Variants in CHL1 observed in about 807,000 individuals in gnomAD.
CHL1 encodes neural cell adhesion molecule L1-like protein.
In CHL1, 96 loss-of-function variants were observed where a neutral mutation model predicts 141.9. That is an observed-to-expected ratio of 0.68 (90% CI 0.57 to 0.80). The LOEUF (loss-of-function observed/expected upper bound fraction) is 0.80. CHL1 is among the 30% of genes least tolerant of loss of function. The probability of loss-of-function intolerance (pLI) is 0.00; values close to 1 mark genes in which losing one functional copy is unlikely to be tolerated. For missense variants in CHL1, 1,820 were observed against 1,457.2 expected, an observed-to-expected ratio of 1.25 and a Z score of -4.05; for synonymous variants, 613 against 502.2, an observed-to-expected ratio of 1.22 and a Z score of -2.95.
chr3:213,762 A>G (rs1700080061), intron 1 of CHL1: 1 of 152,244 alleles, frequency 6.6e-6, no homozygotes, highest in South Asian at 2.1e-4. Context: ...TGCATTGCAA[A>G]GAAGACATTC....
chr3:314,329 G>GTATATATATATATATA lies in CHL1; in HGVS notation c.-94-5328_-94-5313dup, dbSNP rs56292297. ...TCTCTTTCTCTCTCTCTCTCTATGT[G>GTATATATATATATATA]TATATATATATATATATATATATAT... On this transcript the variant is annotated intron_variant, in intron 2 of 27. Transcript: ENST00000256509. Among the ~76,000 whole-genome samples the GTATATATATATATATA allele has an allele frequency of 3.2e-3, 209 of 65,242 alleles. 5 individuals are homozygous for GTATATATATATATATA. Among genetic ancestry groups the GTATATATATATATATA allele is most frequent in the South Asian group, 5.7e-3 (7 of 1,230 alleles). The allele number at this position is 65,242 out of a possible 152,430, so 42.8% of individuals were successfully genotyped here.
At chr3:284,689 T>A (rs541709491) in intron 2 of CHL1, among the ~76,000 whole-genome samples, 1 of 152,262 alleles carries the variant, frequency 6.6e-6, no homozygotes, top group South Asian at 2.1e-4. Context: ...GCTGGGGAGA[T>A]GGTGGTGACC....
rs201043995 is a variant in CHL1, at chr3:340,956, T to C, written c.508+40T>C. 33 of 1,574,870 alleles carry C rather than the reference T, an allele frequency of 2.1e-5. No homozygotes were observed. In the Admixed American group the frequency reaches 5.9e-4, roughly 28 times the overall value. On this transcript the variant is annotated intron_variant, in intron 6 of 27. Transcript: ENST00000256509. ...GTTCCATCAAAAAAGGGGGACATTT[T>C]AATTCTATCCATCATATCAATAACA...
intron 1 of CHL1, among the ~76,000 whole-genome samples, chr3:225,144 C>A (rs886267458): frequency 1.3e-5 from 2 of 152,074 alleles, no homozygotes; most frequent in Non-Finnish European, 2.9e-5. Context: ...AAAAAGAACT[C>A]AAAAAGATTG....
At position 305,986 on chromosome 3, in the gene CHL1, A is replaced by G. The variant is rs558262941; in HGVS notation, c.-94-13697A>G. Among the ~76,000 whole-genome samples, 6 of 152,334 alleles carry G rather than the reference A, an allele frequency of 3.9e-5. No homozygotes were observed. In the East Asian group the frequency reaches 1.2e-3, roughly 29 times the overall value. ...ACATGTGTATTTAAGTAAACTGCAC[A>G]TTATATCCAGAAAATTGAATCTAAC... On this transcript the variant is annotated intron_variant, in intron 2 of 27. Transcript: ENST00000256509.
chr3:384,197 A>C lies in CHL1; in HGVS notation c.2247+311A>C, dbSNP rs534171487. 2.2e-5 allele frequency: 4 copies of C among 185,330 alleles called. No individual in the cohort carries two copies. In the South Asian group the frequency reaches 5.3e-4, roughly 24 times the overall value. 11.5% of individuals were successfully genotyped at this position (185,330 alleles called of 1,614,324 possible). The stretch of plus-strand genomic sequence containing the variant: ...ATTCTAGATTCTCTTCCATTCAAAA[A>C]ATACTGAAAATCTTTAATTAATTTA... On this transcript the variant is annotated intron_variant, in intron 19 of 27. Coordinates refer to ENST00000256509, the MANE Select transcript of CHL1 (RefSeq NM_006614.4).
chr3:224,795 A>G (rs567198895), intron 1 of CHL1, among the ~76,000 whole-genome samples: 177 of 152,338 alleles, frequency 1.2e-3, no homozygotes, highest in Non-Finnish European at 2.2e-3. Flanking sequence ...CCTGTTGGCT[A>G]CATCAAATTG....
At chr3:361,507 A>G (rs1045728741) in intron 12 of CHL1, among the ~76,000 whole-genome samples, 192 bp from the exon 13 acceptor site, 4 of 152,118 alleles carry the variant, frequency 2.6e-5, no homozygotes, top group Non-Finnish European at 5.9e-5. Context: ...TCTACAATGA[A>G]CTCAAACAAA....
At chr3:347,450 A>G (rs1445878188) in intron 9 of CHL1, among the ~76,000 whole-genome samples, 2 of 152,212 alleles carry the variant, frequency 1.3e-5, no homozygotes, top group African/African-American at 2.4e-5. Flanking sequence ...TTGCCATGGT[A>G]TAGACCTATC....
chr3:203,622 A>C (rs1699146540), intron 1 of CHL1, among the ~76,000 whole-genome samples: 1 of 152,208 alleles, frequency 6.6e-6, no homozygotes, highest in African/African-American at 2.4e-5. Flanking sequence ...CTGAAGGGAT[A>C]ATGGGAAGGT....
At chr3:403,829 A>G (rs891263268) in intron 27 of CHL1, among the ~76,000 whole-genome samples, 1 of 152,320 alleles carries the variant, frequency 6.6e-6, no homozygotes, top group Non-Finnish European at 1.5e-5. Context: ...AGACACTTTT[A>G]TAAGATGCTG....
At position 394,693 on chromosome 3, in the gene CHL1, T is replaced by G. The variant is rs1485311994; in HGVS notation, c.2915T>G (p.Ile972Arg). ...CTGTTGTTCATGTTTATTTTTTTAG[T>G]AAATGACACCTACGAGATTGGAGAA... ...LTGYLLQYQI[I>R]NDTYEIGELN... The change falls in exon 24 of 28, where the codon ATA becomes AGA. Residue 972 changes from isoleucine to arginine, a missense_variant and splice_region_variant. Physicochemically the swap from Ile to Arg is moderately conservative, Grantham distance 97. Coordinates refer to ENST00000256509, the MANE Select transcript of CHL1 (RefSeq NM_006614.4). The G allele has an allele frequency of 6.2e-7, 1 of 1,600,650 alleles. No homozygotes were observed. Among genetic ancestry groups the G allele is most frequent in the Non-Finnish European group, 8.5e-7 (1 of 1,173,978 alleles).
intron 1 of CHL1, chr3:197,745 C>G (rs1213411642): frequency 2.2e-6 from 1 of 454,656 alleles, no homozygotes; most frequent in Non-Finnish European, 4.4e-6. Context: ...CTCCCCAGAC[C>G]GCCGAGGGGC....
intron 2 of CHL1, among the ~76,000 whole-genome samples, chr3:302,373 G>C (rs1698832338): frequency 6.6e-6 from 1 of 152,200 alleles, no homozygotes; most frequent in African/African-American, 2.4e-5. Flanking sequence ...CAGTGTAAAA[G>C]CATTCCTATT....
chr3:234,231 A>T (rs1051430106), intron 1 of CHL1, among the ~76,000 whole-genome samples: 1 of 151,520 alleles, frequency 6.6e-6, no homozygotes, highest in African/African-American at 2.4e-5. Flanking sequence ...GTATGTATAC[A>T]TATATATTTG....
chr3:228,292 CATTTA>C (rs1265151114), intron 1 of CHL1, among the ~76,000 whole-genome samples: 1 of 151,564 alleles, frequency 6.6e-6, no homozygotes, highest in Non-Finnish European at 1.5e-5. Context: ...GACAGGATTA[CATTTA>C]GTCTAAGAGG....
chr3:253,200 A>G (rs1167677947), intron 2 of CHL1, among the ~76,000 whole-genome samples: 4 of 152,136 alleles, frequency 2.6e-5, no homozygotes, highest in Non-Finnish European at 5.9e-5. Context: ...TAAACTCTCA[A>G]TATTATGATT....
intron 2 of CHL1, among the ~76,000 whole-genome samples, chr3:259,046 A>G (rs1446425629): frequency 6.8e-6 from 1 of 146,954 alleles, no homozygotes; most frequent in Non-Finnish European, 1.5e-5. Flanking sequence ...TGGTCCTCCC[A>G]CCTCAGCATC....
chr3:219,174 A>T (rs1003373881), intron 1 of CHL1, among the ~76,000 whole-genome samples: 1 of 151,720 alleles, frequency 6.6e-6, no homozygotes, highest in African/African-American at 2.4e-5. Context: ...AAAATAAAAG[A>T]TGCAGGTGAG....
Sources: gnomAD v4.1 joint callset for allele counts (sites outside exome capture counted in the v4.1 genomes callset) on GRCh38, gnomAD v4.1.1 for gene constraint, MANE v1.5 for transcripts, NCBI Gene and HGNC (gene_info 2026-07-23, HGNC 2026-07-21) for gene names.